TSPAN5: variants seen among roughly 807,000 people sequenced by gnomAD.
TSPAN5 encodes the protein tetraspanin 5.
Under a neutral mutation model 37.1 loss-of-function variants are expected in TSPAN5, and 10 were observed. The ratio of observed to expected loss-of-function variants is 0.27; its 90% CI spans 0.17 to 0.46. TSPAN5 has a LOEUF of 0.46. Among genes scored for constraint, TSPAN5 ranks in the 20% least tolerant of loss-of-function variants. The probability of loss-of-function intolerance (pLI) is 1.00; values close to 1 mark genes in which losing one functional copy is unlikely to be tolerated. For synonymous variants in TSPAN5, 110 were observed against 118.9 expected (o/e 0.93, Z 0.48); for missense variants, 195 against 326.6 (o/e 0.60, Z 3.11).
At chr4:98,604,332 T>G (rs1006677459) in intron 1 of TSPAN5, among the ~76,000 whole-genome samples, 1 of 152,350 alleles carries the variant, frequency 6.6e-6, no homozygotes, top group South Asian at 2.1e-4. Context: ...TGTGAAGACT[T>G]CTTTCCACAG....
chr4:98,501,830 A>T (rs1753357842), intron 2 of TSPAN5, among the ~76,000 whole-genome samples: 1 of 152,174 alleles, frequency 6.6e-6, no homozygotes, highest in Non-Finnish European at 1.5e-5. Flanking sequence ...AAGTAAAAGG[A>T]TCTGTCTTAC....
intron 1 of TSPAN5, among the ~76,000 whole-genome samples, chr4:98,610,532 T>C (rs1361853787): frequency 3.3e-5 from 5 of 152,228 alleles, no homozygotes; most frequent in African/African-American, 1.2e-4. Flanking sequence ...CCCTTCATGA[T>C]GAGCAGGGCT....
At chr4:98,472,721 A>G in intron 7 of TSPAN5, 134 bp from the exon 8 acceptor site, 2 of 699,692 alleles carry the variant, frequency 2.9e-6, no homozygotes. Context: ...AGCATCCTTG[A>G]AATGTGTATA....
chr4:98,606,815 G>A (rs182814624), intron 1 of TSPAN5, among the ~76,000 whole-genome samples: 1 of 152,292 alleles, frequency 6.6e-6, no homozygotes, highest in East Asian at 1.9e-4. Context: ...TTCTATAAAG[G>A]CTTTACGGTG....
intron 1 of TSPAN5, among the ~76,000 whole-genome samples, chr4:98,635,454 T>C (rs866355666): frequency 7.9e-5 from 12 of 152,218 alleles, no homozygotes; most frequent in African/African-American, 2.9e-4. Flanking sequence ...CTTTTCACCA[T>C]GGCTTAGAAT....
chr4:98,580,247 C>CCCA (rs1755337999), intron 1 of TSPAN5, among the ~76,000 whole-genome samples: 1 of 152,200 alleles, frequency 6.6e-6, no homozygotes, highest in Admixed American at 6.5e-5. Context: ...GATGTGGCCA[C>CCCA]CCACCATATC....
Position 98,482,638 on chromosome 4 carries a change from T to C in TSPAN5, c.280-463A>G, listed in dbSNP as rs148133544. 972 of 155,072 alleles carry C rather than the reference T, an allele frequency of 6.3e-3. 9 individuals are homozygous for C. Among genetic ancestry groups the C allele is most frequent in the African/African-American group, 0.022 (918 of 41,602 alleles). The allele number at this position is 155,072 out of a possible 1,614,324, so 9.6% of individuals were successfully genotyped here. On this transcript the variant is annotated intron_variant, in intron 3 of 7. Coordinates refer to ENST00000305798, the MANE Select transcript of TSPAN5 (RefSeq NM_005723.4). ...TTCTCTATGCAATATATTCCTTTTA[T>C]GGATTCAGACACCATTTTAATTCTC...
intron 1 of TSPAN5, among the ~76,000 whole-genome samples, chr4:98,626,139 C>G (rs1304038873): frequency 6.6e-6 from 1 of 152,142 alleles, no homozygotes; most frequent in Non-Finnish European, 1.5e-5. Context: ...GCTGGTTTCC[C>G]AGTGAAGAAA....
At chr4:98,605,862 T>A (rs1756028952) in intron 1 of TSPAN5, among the ~76,000 whole-genome samples, 1 of 152,188 alleles carries the variant, frequency 6.6e-6, no homozygotes, top group Admixed American at 6.5e-5. Flanking sequence ...AATAAACACC[T>A]CCCTGTAGCT....
chr4:98,487,933 C>G (rs1439181825), intron 2 of TSPAN5, among the ~76,000 whole-genome samples: 1 of 152,094 alleles, frequency 6.6e-6, no homozygotes, highest in Non-Finnish European at 1.5e-5. Context: ...TGTGCATGGG[C>G]CTTAAACAGC....
rs549752676 is a variant in TSPAN5, at chr4:98,627,885, A to C, written c.81+30261T>G. 3.2e-4 allele frequency among the ~76,000 whole-genome samples: 48 copies of C among 152,366 alleles called. 1 individual carries two copies. Among genetic ancestry groups the C allele is most frequent in the African/African-American group, 1.1e-3 (47 of 41,580 alleles). ...ATTAAATATAAAACAAGAGGGAAAAAAACAACAGCACTAGGTTATAAAAGA... is the reference window on the plus strand; with the variant it reads ...ATTAAATATAAAACAAGAGGGAAAACAACAACAGCACTAGGTTATAAAAGA... On this transcript the variant is annotated intron_variant, in intron 1 of 7. Coordinates refer to ENST00000305798, the MANE Select transcript of TSPAN5 (RefSeq NM_005723.4).
chr4:98,562,592 T>C (rs1578994412), intron 1 of TSPAN5, among the ~76,000 whole-genome samples: 1 of 151,564 alleles, frequency 6.6e-6, no homozygotes, highest in Admixed American at 6.6e-5. Context: ...ACCTGGGAGG[T>C]GGAGGTTGCA....
intron 7 of TSPAN5, among the ~76,000 whole-genome samples, chr4:98,475,627 C>T (rs1292985591): frequency 6.6e-6 from 1 of 152,142 alleles, no homozygotes; most frequent in Non-Finnish European, 1.5e-5. Context: ...TTAATGTCTC[C>T]ATCTTAGAAA....
intron 1 of TSPAN5, among the ~76,000 whole-genome samples, chr4:98,655,339 C>T (rs1757273633): frequency 6.6e-6 from 1 of 152,176 alleles, no homozygotes; most frequent in Admixed American, 6.5e-5. Flanking sequence ...TATTTTTCTT[C>T]TCCAGCATAT....
intron 1 of TSPAN5, among the ~76,000 whole-genome samples, chr4:98,513,465 G>T (rs1394907582): frequency 6.6e-6 from 1 of 152,144 alleles, no homozygotes; most frequent in Non-Finnish European, 1.5e-5. Flanking sequence ...ATACAGGCAA[G>T]ATGTGATCAT....
intron 1 of TSPAN5, among the ~76,000 whole-genome samples, chr4:98,569,945 T>C (rs1164633254): frequency 3.3e-5 from 5 of 152,196 alleles, no homozygotes; most frequent in Non-Finnish European, 1.5e-5. Context: ...GGAACTTACA[T>C]GGTCCAGTGG....
chr4:98,647,356 AG>A (rs1198430690), intron 1 of TSPAN5, among the ~76,000 whole-genome samples: 1 of 152,190 alleles, frequency 6.6e-6, no homozygotes, highest in Non-Finnish European at 1.5e-5. Flanking sequence ...CAACAGTTGG[AG>A]GAAATTTTTG....
At chr4:98,636,301 A>C (rs1756855631) in intron 1 of TSPAN5, among the ~76,000 whole-genome samples, 2 of 152,256 alleles carry the variant, frequency 1.3e-5, no homozygotes, top group Admixed American at 1.3e-4. Flanking sequence ...TGAATATTTT[A>C]TAATGGACAT....
At chr4:98,548,011 CAAAAA>C (rs535093440) in intron 1 of TSPAN5, among the ~76,000 whole-genome samples, 3 of 89,324 alleles carry the variant, frequency 3.4e-5, no homozygotes, top group Middle Eastern at 6.1e-3. Flanking sequence ...GACTCTGTCT[CAAAAA>C]AAAAAAAAAA....
Sources: allele counts gnomAD v4.1 joint callset (sites outside exome capture counted in the v4.1 genomes callset), GRCh38; gene constraint gnomAD v4.1.1; transcripts MANE v1.5; gene names NCBI Gene and HGNC (gene_info 2026-07-23, HGNC 2026-07-21).